SNTG1: variants seen among roughly 807,000 people sequenced by gnomAD.
The protein encoded by SNTG1 is syntrophin gamma 1.
Under a neutral mutation model 74.7 loss-of-function variants are expected in SNTG1, and 39 were observed. That is an observed-to-expected ratio of 0.52 (90% CI 0.40 to 0.68). The LOEUF (loss-of-function observed/expected upper bound fraction) is 0.68. Among genes scored for constraint, SNTG1 ranks in the 30% least tolerant of loss-of-function variants. The pLI, the probability that SNTG1 is intolerant of heterozygous loss-of-function variation, is 0.00. For synonymous variants in SNTG1, 254 were observed against 217.1 expected, an observed-to-expected ratio of 1.17 and a Z score of -1.49; for missense variants, 685 against 609.5, an observed-to-expected ratio of 1.12 and a Z score of -1.30.
At chr8:50,507,574 G>T (rs181301340) in intron 9 of SNTG1, among the ~76,000 whole-genome samples, 6 of 152,044 alleles carry the variant, frequency 3.9e-5, no homozygotes, top group Admixed American at 6.6e-5. Context: ...TTTCTAGAAG[G>T]TTATCTATTT....
intron 2 of SNTG1, among the ~76,000 whole-genome samples, chr8:50,374,578 G>A (rs912677762): frequency 6.6e-6 from 1 of 152,180 alleles, no homozygotes; most frequent in African/African-American, 2.4e-5. Context: ...GGACAATTGG[G>A]ACTGTAGTAA....
chr8:50,626,240 G>A (rs1333414506), intron 13 of SNTG1, among the ~76,000 whole-genome samples: 1 of 152,116 alleles, frequency 6.6e-6, no homozygotes, highest in Non-Finnish European at 1.5e-5. Context: ...ATTTCAAAAG[G>A]ATGATGAGAA....
intron 5 of SNTG1, among the ~76,000 whole-genome samples, chr8:50,448,188 T>C (rs368448997): frequency 2.2e-4 from 34 of 152,244 alleles, no homozygotes; most frequent in African/African-American, 7.5e-4. Flanking sequence ...ATTAGGTTGC[T>C]GTGAAATAGT....
chr8:50,176,554 G>T (rs1040659136), intron 2 of SNTG1, among the ~76,000 whole-genome samples: 2 of 152,124 alleles, frequency 1.3e-5, no homozygotes, highest in African/African-American at 4.8e-5. Context: ...CTCAGCTAGG[G>T]CACTAATAGC....
At chr8:50,287,118 G>A (rs1305268148) in intron 2 of SNTG1, among the ~76,000 whole-genome samples, 3 of 151,922 alleles carry the variant, frequency 2.0e-5, no homozygotes, top group Non-Finnish European at 4.4e-5. Context: ...AAAATACTGG[G>A]TTCCCCTAGA....
At chr8:50,502,747 A>T in intron 8 of SNTG1, 31 bp from the exon 9 acceptor site, 6 of 1,547,516 alleles carry the variant, frequency 3.9e-6, no homozygotes, top group Non-Finnish European at 5.3e-6. Flanking sequence ...AAATGTAATG[A>T]TGATTGTATT....
chr8:50,774,619 A>T (rs1205947068), intron 18 of SNTG1, among the ~76,000 whole-genome samples: 3 of 151,894 alleles, frequency 2.0e-5, no homozygotes, highest in Non-Finnish European at 4.4e-5. Flanking sequence ...ACTTGAATAC[A>T]CACTTAGAAA....
chr8:49,939,185 A>G (rs1585584186), intron 1 of SNTG1, among the ~76,000 whole-genome samples: 1 of 151,910 alleles, frequency 6.6e-6, no homozygotes, highest in African/African-American at 2.4e-5. Context: ...CTGTTCTCTA[A>G]CATTCTGTAT....
At chr8:50,468,010 A>AT (rs1330153155) in intron 8 of SNTG1, among the ~76,000 whole-genome samples, 8 of 84,418 alleles carry the variant, frequency 9.5e-5, no homozygotes, top group East Asian at 9.2e-4. Flanking sequence ...TGTATAATAA[A>AT]TATTTTTTTT....
chr8:50,568,354 A>T (rs944586660), intron 12 of SNTG1, among the ~76,000 whole-genome samples: 4 of 152,030 alleles, frequency 2.6e-5, no homozygotes, highest in African/African-American at 9.7e-5. Context: ...CTTTGGATAT[A>T]TACTCAGTAA....
In SNTG1 at chr8:50,005,955, C is replaced by CT. The variant is rs57041850; in HGVS notation, c.-103+93752dup. 7.8e-3 allele frequency among the ~76,000 whole-genome samples: 699 copies of CT among 89,398 alleles called. 202 individuals carry two copies. Among genetic ancestry groups the CT allele is most frequent in the African/African-American group, 0.014 (193 of 13,820 alleles). The allele number at this position is 89,398 out of a possible 152,430, so 58.6% of individuals were successfully genotyped here. A position where few individuals can be genotyped will look rare whatever the true frequency, so the allele number is the denominator to read the frequency against. On this transcript the variant is annotated intron_variant, in intron 1 of 18. Coordinates refer to ENST00000642720, the MANE Select transcript of SNTG1 (RefSeq NM_018967.5). ...TTACTTTTCATTTCCATTACTTGCA[C>CT]TTTTTTTTTTTTTTTTTTTTTTTTT... is the stretch of plus-strand genomic sequence containing the variant.
At chr8:50,042,423 G>T (rs986977848) in intron 1 of SNTG1, among the ~76,000 whole-genome samples, 1 of 152,138 alleles carries the variant, frequency 6.6e-6, no homozygotes, top group Non-Finnish European at 1.5e-5. Context: ...AAACTTCCGC[G>T]GGCTGGGAGC....
At chr8:50,236,671 C>G (rs1049261541) in intron 2 of SNTG1, among the ~76,000 whole-genome samples, 4 of 152,066 alleles carry the variant, frequency 2.6e-5, no homozygotes, top group Admixed American at 1.3e-4. Context: ...AGGATGGTCT[C>G]GATCTCCTGA....
At chr8:50,609,094 A>T (rs2094832542) in intron 13 of SNTG1, among the ~76,000 whole-genome samples, 1 of 152,080 alleles carries the variant, frequency 6.6e-6, no homozygotes. Context: ...TTATTAAAAC[A>T]GAAAAGTTCC....
rs570040023 is a variant in SNTG1 at position 50,709,564 on chromosome 8, C to A, written c.1284+586C>A. Among the ~76,000 whole-genome samples, 42 of 152,098 alleles carry A rather than the reference C, an allele frequency of 2.8e-4. 1 individual carries two copies. In the East Asian group the frequency reaches 4.5e-3, roughly 16 times the overall value. Reference sequence around the variant, plus strand: ...GATGCACATTGAATGACAGAGGGTGCCTACTCAGCCAGTCATACCTAAAAA... The same window carrying A: ...GATGCACATTGAATGACAGAGGGTGACTACTCAGCCAGTCATACCTAAAAA... On this transcript the variant is annotated intron_variant, in intron 17 of 18. Coordinates refer to ENST00000642720, the MANE Select transcript of SNTG1 (RefSeq NM_018967.5).
intron 1 of SNTG1, among the ~76,000 whole-genome samples, chr8:49,973,138 G>T (rs991983647): frequency 6.6e-6 from 1 of 152,118 alleles, no homozygotes; most frequent in Non-Finnish European, 1.5e-5. Context: ...TGATAGACTG[G>T]ATTAAGAAAA....
At chr8:50,247,681 G>GC (rs2086461259) in intron 2 of SNTG1, among the ~76,000 whole-genome samples, 2 of 148,692 alleles carry the variant, frequency 1.3e-5, no homozygotes, top group South Asian at 2.1e-4. Flanking sequence ...AAAGTTTTTA[G>GC]TTTTTTTTTT....
chr8:50,715,925 A>C (rs1028390968), intron 17 of SNTG1, among the ~76,000 whole-genome samples: 3 of 152,230 alleles, frequency 2.0e-5, no homozygotes, highest in Non-Finnish European at 2.9e-5. Flanking sequence ...TAATCCACTT[A>C]ATCCTTTAAA....
chr8:50,335,578 T>G (rs139059271), intron 2 of SNTG1, among the ~76,000 whole-genome samples: 1 of 152,278 alleles, frequency 6.6e-6, no homozygotes, highest in Non-Finnish European at 1.5e-5. Context: ...AAAACCAGTA[T>G]GGTTGAATCA....
Sources: allele counts gnomAD v4.1 joint callset (sites outside exome capture counted in the v4.1 genomes callset), GRCh38; gene constraint gnomAD v4.1.1; transcripts MANE v1.5; gene names NCBI Gene and HGNC (gene_info 2026-07-23, HGNC 2026-07-21).